Variants in PDE4B observed in about 807,000 individuals in gnomAD.
PDE4B encodes the protein phosphodiesterase 4B.
In PDE4B, 20 loss-of-function variants were observed where a neutral mutation model predicts 82.2. That is an observed-to-expected ratio of 0.24 (90% CI 0.17 to 0.35). PDE4B has a LOEUF of 0.35. Among genes scored for constraint, PDE4B ranks in the 10% least tolerant of loss-of-function variants. The pLI, the probability that PDE4B is intolerant of heterozygous loss-of-function variation, is 1.00. For missense variants in PDE4B, 655 were observed against 907.2 expected (o/e 0.72, Z 3.57); for synonymous variants, 320 against 318.9 (o/e 1.00, Z -0.04).
chr1:66,366,889 C>G (rs183186880), intron 13 of PDE4B, among the ~76,000 whole-genome samples: 21 of 152,288 alleles, frequency 1.4e-4, no homozygotes, highest in Admixed American at 7.8e-4. Flanking sequence ...ACTGTTAAAG[C>G]AATGATATAT....
At chr1:65,799,966 C>A (rs2101159315) in intron 1 of PDE4B, among the ~76,000 whole-genome samples, 1 of 152,302 alleles carries the variant, frequency 6.6e-6, no homozygotes, top group East Asian at 1.9e-4. Context: ...CTTTTGAGAT[C>A]ATTCTTTTTC....
At chr1:65,986,165 C>G (rs1268207904) in intron 3 of PDE4B, among the ~76,000 whole-genome samples, 1 of 152,048 alleles carries the variant, frequency 6.6e-6, no homozygotes, top group Non-Finnish European at 1.5e-5. Context: ...TATTTAACTG[C>G]TAAATATTAA....
chr1:66,010,484 G>T (rs1330418405), intron 3 of PDE4B, among the ~76,000 whole-genome samples: 2 of 151,654 alleles, frequency 1.3e-5, no homozygotes, highest in African/African-American at 4.8e-5. Context: ...TCCTCCCATT[G>T]TACCTAGTAT....
chr1:66,343,547 T>C lies in PDE4B; in HGVS notation c.747+10927T>C, dbSNP rs1012386562. Among the ~76,000 whole-genome samples, 9 of 152,346 alleles carry C rather than the reference T, an allele frequency of 5.9e-5. 1 individual carries two copies. Among genetic ancestry groups the C allele is most frequent in the African/African-American group, 2.2e-4 (9 of 41,574 alleles). ...GCTAACATTTTAGTTATCTGGGATT[T>C]TATTTATGTCTGCTCAGATTGCAAG... is the stretch of plus-strand genomic sequence containing the variant. On this transcript the variant is annotated intron_variant, in intron 8 of 16. Coordinates refer to ENST00000341517, the MANE Select transcript of PDE4B (RefSeq NM_002600.4).
At chr1:65,966,136 T>C (rs1649814782) in intron 3 of PDE4B, among the ~76,000 whole-genome samples, 1 of 152,196 alleles carries the variant, frequency 6.6e-6, no homozygotes, top group African/African-American at 2.4e-5. Flanking sequence ...CATGATTGTA[T>C]ATTTAGAAAA....
chr1:66,024,354 A>G (rs544538673), intron 3 of PDE4B, among the ~76,000 whole-genome samples: 5 of 152,104 alleles, frequency 3.3e-5, no homozygotes, highest in Non-Finnish European at 5.9e-5. Flanking sequence ...CCCTTACTCA[A>G]TCAGATAGCC....
intron 1 of PDE4B, among the ~76,000 whole-genome samples, chr1:65,900,822 A>G (rs1646963444): frequency 6.6e-6 from 1 of 152,066 alleles, no homozygotes; most frequent in Non-Finnish European, 1.5e-5. Flanking sequence ...CTGAAACTTT[A>G]CTGAAGTCAT....
At chr1:66,087,243 C>T (rs1657049310) in intron 3 of PDE4B, among the ~76,000 whole-genome samples, 1 of 152,070 alleles carries the variant, frequency 6.6e-6, no homozygotes, top group South Asian at 2.1e-4. Flanking sequence ...ATTACTCTGG[C>T]AGAAGTATGC....
intron 7 of PDE4B, among the ~76,000 whole-genome samples, chr1:66,320,695 A>G (rs1315382625): frequency 6.6e-6 from 1 of 152,190 alleles, no homozygotes; most frequent in Admixed American, 6.5e-5. Flanking sequence ...AAACTAAAAA[A>G]ATAGATTCTC....
At chr1:65,922,419 T>C (rs1017793917) in intron 3 of PDE4B, among the ~76,000 whole-genome samples, 8 of 152,230 alleles carry the variant, frequency 5.3e-5, no homozygotes, top group African/African-American at 1.9e-4. Flanking sequence ...CCTGAGTTCT[T>C]GGAACCAACT....
rs757685234 is a variant in PDE4B at position 66,149,266 on chromosome 1, A to AT, written c.282-98186dup. The stretch of plus-strand genomic sequence containing the variant: ...CATGTGCTAATGGCCATCTGTTTAT[A>AT]TTTTTTTTGAGAAACATCTATCTAA... On this transcript the variant is annotated intron_variant, in intron 3 of 16. Transcript: ENST00000341517. 7.9e-5 allele frequency among the ~76,000 whole-genome samples: 12 copies of AT among 151,840 alleles called. No homozygotes were observed. In the East Asian group the frequency reaches 1.2e-3, roughly 15 times the overall value.
At chr1:66,284,236 G>T (rs904325460) in intron 7 of PDE4B, among the ~76,000 whole-genome samples, 23 of 152,198 alleles carry the variant, frequency 1.5e-4, no homozygotes, top group African/African-American at 4.6e-4. Context: ...TTATAAATTG[G>T]ATTTTATTAA....
At chr1:66,041,451 T>A (rs1355231382) in intron 3 of PDE4B, among the ~76,000 whole-genome samples, 2 of 151,966 alleles carry the variant, frequency 1.3e-5, no homozygotes, top group Non-Finnish European at 2.9e-5. Context: ...TTGACCTCTC[T>A]CCTTCTTTCT....
intron 3 of PDE4B, among the ~76,000 whole-genome samples, chr1:65,999,039 T>G (rs1025612894): frequency 1.3e-5 from 2 of 152,180 alleles, no homozygotes; most frequent in Admixed American, 1.3e-4. Flanking sequence ...CTTCAATATA[T>G]TGGATTTTTA....
intron 3 of PDE4B, among the ~76,000 whole-genome samples, chr1:66,003,197 A>C (rs1226276733): frequency 6.6e-6 from 1 of 152,174 alleles, no homozygotes; most frequent in African/African-American, 2.4e-5. Flanking sequence ...TAAGAAACAA[A>C]GTATCATTCA....
intron 3 of PDE4B, among the ~76,000 whole-genome samples, chr1:66,090,390 G>A (rs1211105763): frequency 1.3e-5 from 2 of 151,676 alleles, no homozygotes; most frequent in African/African-American, 2.4e-5. Flanking sequence ...TCAAGGGCAG[G>A]ACAGGTCATA....
intron 3 of PDE4B, among the ~76,000 whole-genome samples, chr1:66,037,657 A>T (rs577339127): frequency 6.6e-6 from 1 of 152,228 alleles, no homozygotes; most frequent in South Asian, 2.1e-4. Flanking sequence ...TGCTATGTTG[A>T]AAAGAAGTGA....
chr1:66,275,719 G>T (rs1330273222), intron 7 of PDE4B, among the ~76,000 whole-genome samples: 1 of 152,066 alleles, frequency 6.6e-6, no homozygotes, highest in Non-Finnish European at 1.5e-5. Flanking sequence ...TTATGAAGTT[G>T]CCTCCAGAAC....
chr1:65,915,078 A>G (rs953774190), intron 2 of PDE4B, among the ~76,000 whole-genome samples: 3 of 152,232 alleles, frequency 2.0e-5, no homozygotes, highest in Non-Finnish European at 4.4e-5. Flanking sequence ...TTATTAAACT[A>G]AATTTTACCT....
Sources: allele counts gnomAD v4.1 joint callset (sites outside exome capture counted in the v4.1 genomes callset), GRCh38; gene constraint gnomAD v4.1.1; transcripts MANE v1.5; gene names NCBI Gene and HGNC (gene_info 2026-07-23, HGNC 2026-07-21).